Variants in NRG1 observed in about 807,000 individuals in gnomAD.
The protein encoded by NRG1 is neuregulin 1.
In NRG1, 18 loss-of-function variants were observed where a neutral mutation model predicts 63.8. The ratio of observed to expected loss-of-function variants is 0.28; its 90% CI spans 0.19 to 0.42. The LOEUF (loss-of-function observed/expected upper bound fraction) is 0.42. Ranked by LOEUF, NRG1 falls within the 10% of genes least tolerant of loss-of-function variation. NRG1 has a pLI of 1.00. For missense variants in NRG1, 762 were observed against 814.7 expected, an observed-to-expected ratio of 0.94 and a Z score of 0.79; for synonymous variants, 302 against 301.3, an observed-to-expected ratio of 1.00 and a Z score of -0.02.
At chr8:32,641,212 G>T (rs1852328409) in intron 5 of NRG1, among the ~76,000 whole-genome samples, 1 of 151,362 alleles carries the variant, frequency 6.6e-6, no homozygotes. Flanking sequence ...AGAGTTCATA[G>T]TTAATAATTG....
At chr8:31,895,789 A>G (rs1831532310) in intron 1 of NRG1, among the ~76,000 whole-genome samples, 1 of 152,102 alleles carries the variant, frequency 6.6e-6, no homozygotes, top group Non-Finnish European at 1.5e-5. Flanking sequence ...CTGGGTTTAG[A>G]TTTGTAGCCT....
chr8:32,375,105 C>G (rs1809444061), intron 1 of NRG1, among the ~76,000 whole-genome samples: 1 of 152,162 alleles, frequency 6.6e-6, no homozygotes, highest in South Asian at 2.1e-4. Context: ...ACCTCAGCCT[C>G]CTGAGTAGCT....
intron 1 of NRG1, among the ~76,000 whole-genome samples, chr8:32,197,252 A>C (rs1843053731): frequency 6.6e-6 from 1 of 151,698 alleles, no homozygotes; most frequent in Non-Finnish European, 1.5e-5. Context: ...ATGAGCCACC[A>C]CGCCCAGCCT....
chr8:32,443,570 G>C (rs1470795910), intron 1 of NRG1, among the ~76,000 whole-genome samples: 2 of 152,138 alleles, frequency 1.3e-5, no homozygotes, highest in African/African-American at 4.8e-5. Flanking sequence ...GATGTCTGGG[G>C]AAACAATGGA....
chr8:32,400,669 A>G (rs1472247532), intron 1 of NRG1, among the ~76,000 whole-genome samples: 1 of 152,208 alleles, frequency 6.6e-6, no homozygotes, highest in Admixed American at 6.5e-5. Context: ...AGTAAAGGGA[A>G]CGCTCATACA....
intron 1 of NRG1, among the ~76,000 whole-genome samples, chr8:31,669,450 G>C (rs1480907603): frequency 3.3e-5 from 5 of 152,110 alleles, no homozygotes; most frequent in Admixed American, 6.5e-5. Context: ...TGTTGCCCAG[G>C]CTGGTCTCGA....
intron 5 of NRG1, among the ~76,000 whole-genome samples, chr8:32,703,123 G>A (rs1815393928): frequency 6.6e-6 from 1 of 152,044 alleles, no homozygotes; most frequent in Non-Finnish European, 1.5e-5. Context: ...TGTTTATTGT[G>A]GTCAAAGGAT....
rs936486785 is a variant in NRG1, at chr8:32,742,562, T to A, written c.633-113T>A. ...AGGGCAAAGATTCAGTTCCTGAGGG[T>A]GAACTCACCAAGTTTCAGTCAAATG... On this transcript the variant is annotated intron_variant, in intron 6 of 11. Coordinates refer to ENST00000356819, the Ensembl canonical transcript of NRG1. The surrounding 1 kb of genome is among the most constrained non-coding windows in gnomAD (Gnocchi z 4.2). 1.3e-5 allele frequency: 12 copies of A among 931,388 alleles called. No homozygotes were observed. Among genetic ancestry groups the A allele is most frequent in the Non-Finnish European group, 1.7e-5 (10 of 598,680 alleles). 57.7% of individuals were successfully genotyped at this position (931,388 alleles called of 1,614,324 possible).
chr8:32,454,574 T>G (rs1417965142), intron 1 of NRG1, among the ~76,000 whole-genome samples: 1 of 28,344 alleles, frequency 3.5e-5, no homozygotes, highest in African/African-American at 1.3e-4. Context: ...CCCATCCCTC[T>G]TTTTTTTTTT....
At chr8:31,790,011 G>A (rs1423250084) in intron 1 of NRG1, among the ~76,000 whole-genome samples, 1 of 152,098 alleles carries the variant, frequency 6.6e-6, no homozygotes, top group Non-Finnish European at 1.5e-5. Context: ...CGGGTAAAAG[G>A]ATATAAGCAA....
At chr8:31,709,293 G>T (rs1811501478) in intron 1 of NRG1, among the ~76,000 whole-genome samples, 1 of 151,118 alleles carries the variant, frequency 6.6e-6, no homozygotes, top group Non-Finnish European at 1.5e-5. Context: ...TATATTAATG[G>T]TTTTACAATA....
intron 1 of NRG1, among the ~76,000 whole-genome samples, chr8:31,819,897 C>A (rs1823838812): frequency 6.6e-6 from 1 of 152,154 alleles, no homozygotes; most frequent in Admixed American, 6.6e-5. Context: ...GTTGTTGAAT[C>A]TTTACAGTTC....
intron 7 of NRG1, chr8:32,751,304 T>A (rs1229730058): frequency 6.6e-6 from 1 of 151,522 alleles, no homozygotes; most frequent in Non-Finnish European, 1.5e-5. Flanking sequence ...CAGATCAGAC[T>A]GAAAAATGTG....
At chr8:31,856,362 T>A (rs1207642661) in intron 1 of NRG1, among the ~76,000 whole-genome samples, 1 of 152,234 alleles carries the variant, frequency 6.6e-6, no homozygotes, top group Non-Finnish European at 1.5e-5. Flanking sequence ...TTTCATTCAT[T>A]TCATCTTCCA....
At chr8:31,653,037 C>G (rs1585418332) in intron 1 of NRG1, among the ~76,000 whole-genome samples, 1 of 122,684 alleles carries the variant, frequency 8.2e-6, no homozygotes, top group Non-Finnish European at 1.7e-5. Flanking sequence ...TCTCTCCCCT[C>G]CCCTCCTCTC....
intron 1 of NRG1, among the ~76,000 whole-genome samples, chr8:32,206,631 A>G (rs901508547): frequency 1.3e-5 from 2 of 152,178 alleles, no homozygotes; most frequent in African/African-American, 2.4e-5. Flanking sequence ...ATGCCCCTCC[A>G]TGTCCACAAT....
chr8:31,984,698 T>C (rs1809748384), intron 1 of NRG1, among the ~76,000 whole-genome samples: 1 of 152,212 alleles, frequency 6.6e-6, no homozygotes, highest in South Asian at 2.1e-4. Context: ...CCAGCCAAGA[T>C]TATGATGAAA....
Position 32,122,436 on chromosome 8 carries a change from C to A in NRG1, c.38-473392C>A, listed in dbSNP as rs529955803. On this transcript the variant is annotated intron_variant, in intron 1 of 10. Coordinates refer to the NRG1 transcript ENST00000519301. ...TTGGTATCCCTCATGACTATATAGT[C>A]TCCCCAATATATTCACATGGGTGAA... 2.0e-5 allele frequency among the ~76,000 whole-genome samples: 3 copies of A among 152,024 alleles called. No individual in the cohort carries two copies. In the South Asian group the frequency reaches 6.2e-4, roughly 32 times the overall value.
chr8:32,223,042 T>C (rs1401245114), intron 1 of NRG1, among the ~76,000 whole-genome samples: 3 of 152,208 alleles, frequency 2.0e-5, no homozygotes, highest in Non-Finnish European at 2.9e-5. Context: ...TGTTTTTCTT[T>C]ACTTCAATTA....
Sources: gnomAD v4.1 joint callset for allele counts (sites outside exome capture counted in the v4.1 genomes callset) on GRCh38, gnomAD v4.1.1 for gene constraint, Gnocchi (gnomAD v3.1) non-coding constraint, MANE v1.5 for transcripts, NCBI Gene and HGNC (gene_info 2026-07-23, HGNC 2026-07-21) for gene names.